NALF1: variants seen among roughly 807,000 people sequenced by gnomAD.
NALF1 encodes NALCN channel auxiliary factor 1.
A neutral mutation model predicts 48.4 loss-of-function variants in NALF1; 3 were observed. The observed-to-expected ratio is 0.06, with a 90% CI of 0.03 to 0.16. The LOEUF is 0.16. NALF1 is among the 10% of genes least tolerant of loss of function. NALF1 has a pLI of 1.00. For missense variants in NALF1, 526 were observed against 571.5 expected, an observed-to-expected ratio of 0.92 and a Z score of 0.81; for synonymous variants, 262 against 245.7, an observed-to-expected ratio of 1.07 and a Z score of -0.62.
At chr13:107,370,099 G>A (rs1386515797) in intron 1 of NALF1, among the ~76,000 whole-genome samples, 3 of 150,664 alleles carry the variant, frequency 2.0e-5, no homozygotes, top group Admixed American at 6.7e-5. Flanking sequence ...ATTAACCTGA[G>A]GCACAGAAAG....
At chr13:107,314,899 A>AG (rs1882116121) in intron 1 of NALF1, among the ~76,000 whole-genome samples, 1 of 152,154 alleles carries the variant, frequency 6.6e-6, no homozygotes, top group African/African-American at 2.4e-5. Context: ...CAAGCCATAA[A>AG]GTTGTCATCT....
intron 1 of NALF1, among the ~76,000 whole-genome samples, chr13:107,518,337 A>C (rs933338774): frequency 6.6e-6 from 1 of 152,184 alleles, no homozygotes; most frequent in African/African-American, 2.4e-5. Context: ...GTTCACATTT[A>C]GTCTACTAAA....
At chr13:107,760,635 C>T (rs934141041) in intron 1 of NALF1, among the ~76,000 whole-genome samples, 4 of 152,132 alleles carry the variant, frequency 2.6e-5, no homozygotes, top group African/African-American at 4.8e-5. Context: ...CTCTCAAGAT[C>T]GGTTATGAAA....
At chr13:107,694,455 C>T (rs1260114533) in intron 1 of NALF1, among the ~76,000 whole-genome samples, 2 of 152,034 alleles carry the variant, frequency 1.3e-5, no homozygotes, top group Non-Finnish European at 2.9e-5. Context: ...AAGACAATGA[C>T]TGGTTTGCAT....
intron 1 of NALF1, among the ~76,000 whole-genome samples, chr13:107,852,621 G>T (rs1880346856): frequency 6.6e-6 from 1 of 152,164 alleles, no homozygotes; most frequent in Admixed American, 6.5e-5. Flanking sequence ...AGAACTGACA[G>T]ATCTTGGTCT....
intron 1 of NALF1, among the ~76,000 whole-genome samples, chr13:107,246,502 T>TA (rs956174393): frequency 5.9e-5 from 9 of 152,282 alleles, no homozygotes; most frequent in African/African-American, 2.2e-4. Context: ...GATCGATTTT[T>TA]AAAAAAAGTC....
At chr13:107,853,721 A>C (rs193134417) in intron 1 of NALF1, among the ~76,000 whole-genome samples, 6 of 152,346 alleles carry the variant, frequency 3.9e-5, no homozygotes, top group Admixed American at 3.9e-4. Flanking sequence ...CTAATGTTCC[A>C]CAGATTCTGC....
intron 1 of NALF1, among the ~76,000 whole-genome samples, chr13:107,544,300 C>A (rs1368974101): frequency 6.6e-6 from 1 of 152,096 alleles, no homozygotes; most frequent in Non-Finnish European, 1.5e-5. Context: ...TTTGCAATAT[C>A]ATTGAGTTAG....
chr13:107,237,413 G>A (rs1054280149), intron 1 of NALF1, among the ~76,000 whole-genome samples: 4 of 151,974 alleles, frequency 2.6e-5, no homozygotes, highest in Non-Finnish European at 4.4e-5. Flanking sequence ...ACCCAAAAAC[G>A]TATATAGCTG....
intron 1 of NALF1, among the ~76,000 whole-genome samples, chr13:107,791,484 T>C (rs767383201): frequency 2.0e-5 from 3 of 152,192 alleles, no homozygotes; most frequent in Non-Finnish European, 4.4e-5. Flanking sequence ...CATACTTTTG[T>C]AATTAGATAT....
At chr13:107,660,222 G>A (rs933290673) in intron 1 of NALF1, among the ~76,000 whole-genome samples, 3 of 151,486 alleles carry the variant, frequency 2.0e-5, no homozygotes, top group Admixed American at 1.3e-4. Flanking sequence ...GACGGATCAC[G>A]AGGTCAAGAG....
chr13:107,442,056 G>C (rs1264105889), intron 1 of NALF1, among the ~76,000 whole-genome samples: 1 of 152,180 alleles, frequency 6.6e-6, no homozygotes, highest in Non-Finnish European at 1.5e-5. Context: ...GCCCCAAAGA[G>C]TGCTATTTGG....
chr13:107,609,091 T>C (rs747783185), intron 1 of NALF1, among the ~76,000 whole-genome samples: 26 of 151,978 alleles, frequency 1.7e-4, no homozygotes, highest in Admixed American at 4.6e-4. Flanking sequence ...CCCCCTGCCG[T>C]TGGTATAGCT....
intron 1 of NALF1, among the ~76,000 whole-genome samples, chr13:107,548,025 G>C (rs1245523956): frequency 6.6e-6 from 1 of 151,746 alleles, no homozygotes; most frequent in African/African-American, 2.4e-5. Flanking sequence ...TTGTTATATA[G>C]GTGAACTCGT....
At chr13:107,845,548 T>C (rs1281004674) in intron 1 of NALF1, among the ~76,000 whole-genome samples, 1 of 152,206 alleles carries the variant, frequency 6.6e-6, no homozygotes, top group South Asian at 2.1e-4. Context: ...ATCCCCACAC[T>C]GTGTCTTCCA....
At chr13:107,472,743 C>T (rs1384349271) in intron 1 of NALF1, among the ~76,000 whole-genome samples, 2 of 152,116 alleles carry the variant, frequency 1.3e-5, no homozygotes, top group African/African-American at 2.4e-5. Context: ...CTCAAAGCTA[C>T]ACTACTTCCT....
chr13:107,303,240 T>C (rs151209554), intron 1 of NALF1, among the ~76,000 whole-genome samples: 2 of 152,328 alleles, frequency 1.3e-5, no homozygotes, highest in East Asian at 3.9e-4. Context: ...TATCTTTTTG[T>C]TGTTGAGCTG....
chr13:107,430,493 C>T (rs938736307), intron 1 of NALF1, among the ~76,000 whole-genome samples: 1 of 152,088 alleles, frequency 6.6e-6, no homozygotes, highest in Non-Finnish European at 1.5e-5. Context: ...TGTTCCCCTT[C>T]CTGTGTCCAT....
chr13:107,336,549 G>A (rs1882560577), intron 1 of NALF1, among the ~76,000 whole-genome samples: 1 of 152,016 alleles, frequency 6.6e-6, no homozygotes, highest in Non-Finnish European at 1.5e-5. Flanking sequence ...TTCTACAGAG[G>A]AGAGAACAAT....
Sources: allele counts gnomAD v4.1 joint callset (sites outside exome capture counted in the v4.1 genomes callset), GRCh38; gene constraint gnomAD v4.1.1; transcripts MANE v1.5; gene names NCBI Gene and HGNC (gene_info 2026-07-23, HGNC 2026-07-21).